Variants in GHRHR observed in about 807,000 individuals in gnomAD.
GHRHR encodes growth hormone releasing hormone receptor.
In GHRHR, 40 loss-of-function variants were observed where a neutral mutation model predicts 58.3. The observed-to-expected ratio is 0.69, with a 90% CI of 0.53 to 0.89. GHRHR has a LOEUF of 0.89. GHRHR is among the 40% of genes least tolerant of loss of function. The pLI is 0.00. For missense variants in GHRHR, 551 were observed against 541.3 expected (o/e 1.02, Z -0.18); for synonymous variants, 249 against 216.6 (o/e 1.15, Z -1.31).
chr7:30,969,810 GC>G lies in GHRHR; in HGVS notation c.269-52del, dbSNP rs1792442293. The G allele has an allele frequency of 2.6e-6, 4 of 1,565,142 alleles. No homozygotes were observed. The East Asian group carries it at 9.0e-5, about 35-fold the overall frequency. On this transcript the variant is annotated intron_variant, in intron 3 of 12. Transcript: ENST00000326139. The stretch of plus-strand genomic sequence containing the variant: ...CACTTGATGGTCCCTGGCACCCCCA[GC>G]CCCCTCCTGGGGAGAGGGAAGGAGT...
At chr7:30,974,298 G>A (rs993933328) in intron 7 of GHRHR, 131 bp from the exon 8 acceptor site, 1 of 1,113,286 alleles carries the variant, frequency 9.0e-7, no homozygotes, top group African/African-American at 1.5e-5. Context: ...CCAGGGCCCT[G>A]GCTCTGGGGT....
At position 30,969,872 on chromosome 7, in the gene GHRHR, G is replaced by A. The variant is rs767565179; in HGVS notation, c.274G>A (p.Val92Met). The A allele has an allele frequency of 2.5e-6, 4 of 1,613,512 alleles. No individual in the cohort carries two copies. The highest frequency in any genetic ancestry group is 4.5e-5 in the East Asian group (2 of 44,872). Reference protein sequence around the residue: ...FSHFSSESGAVKRDCTITGWS... With the variant: ...FSHFSSESGAMKRDCTITGWS... ...GAGTCTTGCTTGCCTCCCAGGGGCT[G>A]TGAAACGGGATTGTACTATCACTGG... is the stretch of plus-strand genomic sequence containing the variant. Residue 92 changes from valine (V) to methionine (M), a missense_variant, in exon 4 of 13, where the codon GTG (valine) becomes ATG (methionine). Transcript: ENST00000326139.
chr7:30,968,589 C>T (rs1053933378), intron 1 of GHRHR, among the ~76,000 whole-genome samples: 1 of 149,452 alleles, frequency 6.7e-6, no homozygotes, highest in African/African-American at 2.5e-5. Context: ...AGGATTAGAC[C>T]TTCTGTTCCT....
At chr7:30,974,726 C>G (rs1475103674) in intron 8 of GHRHR, among the ~76,000 whole-genome samples, 1 of 151,954 alleles carries the variant, frequency 6.6e-6, no homozygotes, top group African/African-American at 2.4e-5. Flanking sequence ...AGGGAGCTGC[C>G]AGGGGGCCAG....
chr7:30,978,968 G>A, intron 12 of GHRHR, 151 bp from the exon 13 acceptor site: 1 of 746,156 alleles, frequency 1.3e-6, no homozygotes, highest in Non-Finnish European at 2.4e-6. Flanking sequence ...TCCAGAGGTA[G>A]TACTTAGCAG....
At chr7:30,974,283 T>C (rs746053715) in intron 7 of GHRHR, 145 bp downstream of exon 7, 200 of 1,139,686 alleles carry the variant, frequency 1.8e-4, no homozygotes, top group Admixed American at 3.2e-4. Flanking sequence ...TGTTGGAGGG[T>C]GGGACCAGGG....
chr7:30,966,603 G>A (rs917382927), intron 1 of GHRHR, among the ~76,000 whole-genome samples: 1 of 151,970 alleles, frequency 6.6e-6, no homozygotes, highest in African/African-American at 2.4e-5. Context: ...CCCTGTGAGA[G>A]GGACATTCCC....
intron 9 of GHRHR, 79 bp from the exon 10 acceptor site, chr7:30,975,698 A>G: frequency 6.2e-6 from 5 of 808,620 alleles, no homozygotes; most frequent in South Asian, 5.4e-5. Context: ...CTAGTCCCCA[A>G]ATGGGCTGGG....
chr7:30,975,886 C>G lies in GHRHR; in HGVS notation c.974+18C>G, dbSNP rs1562595228. ...CAGTATTGGTACTGTGTGTTTGTGTCTGGGGATACTGGGAAAGGGTAACTG... is the reference window on the plus strand; with the variant it reads ...CAGTATTGGTACTGTGTGTTTGTGTGTGGGGATACTGGGAAAGGGTAACTG... On this transcript the variant is annotated intron_variant, in intron 10 of 12. Coordinates refer to ENST00000326139, the MANE Select transcript of GHRHR (RefSeq NM_000823.4). 7.3e-7 allele frequency: 1 copy of G among 1,364,468 alleles called. No homozygotes were observed. The allele number at this position is 1,364,468 out of a possible 1,614,324, so 84.5% of individuals were successfully genotyped here.
chr7:30,977,525 T>C (rs1051794357), intron 12 of GHRHR, among the ~76,000 whole-genome samples: 2 of 152,158 alleles, frequency 1.3e-5, no homozygotes, highest in African/African-American at 4.8e-5. Context: ...CCATCCTTCC[T>C]CTGAGCTGGG....
intron 3 of GHRHR, 55 bp from the exon 4 acceptor site, chr7:30,969,812 C>G: frequency 6.3e-7 from 1 of 1,581,394 alleles, no homozygotes; most frequent in Non-Finnish European, 8.7e-7. Context: ...CACCCCCAGC[C>G]CCCTCCTGGG....
chr7:30,969,122 G>C lies in GHRHR; in HGVS notation c.220G>C (p.Val74Leu). The C allele has an allele frequency of 1.3e-6, 2 of 1,578,650 alleles. No individual in the cohort carries two copies. ...GCCAACGGCAGGCTCTGGCGAGTGG[G>C]TCACCCTCCCCTGCCCGGATTTCTT... ...CWPTAGSGEWVTLPCPDFFSH... is the reference protein window; with the variant it reads ...CWPTAGSGEWLTLPCPDFFSH... The change falls in exon 3 of 13, where the codon GTC becomes CTC. Residue 74 changes from valine (V) to leucine (L), a missense_variant. Val to Leu is a conservative substitution (Grantham distance 32). Coordinates refer to ENST00000326139, the MANE Select transcript of GHRHR (RefSeq NM_000823.4).
intron 12 of GHRHR, 116 bp downstream of exon 12, chr7:30,977,438 T>C: frequency 1.2e-6 from 1 of 839,820 alleles, no homozygotes; most frequent in Non-Finnish European, 2.1e-6. Context: ...ACCTTCACTC[T>C]TGTGAGCTTT....
Position 30,971,230 on chromosome 7 carries a change from A to G in GHRHR, c.464+14A>G. 1 of 1,173,774 alleles carries G rather than the reference A, an allele frequency of 8.5e-7. No individual in the cohort carries two copies. Among genetic ancestry groups the G allele is most frequent in the Non-Finnish European group, 1.2e-6 (1 of 801,066 alleles). The allele number at this position is 1,173,774 out of a possible 1,614,324, so 72.7% of individuals were successfully genotyped here. A position where few individuals can be genotyped will look rare whatever the true frequency, so the allele number is the denominator to read the frequency against. Reference sequence around the variant, plus strand: ...GGTTGCTCTCAGGTTTGTCATCCTCATCACCAGCTCAAGAACCTTCCTTGG... The same window carrying G: ...GGTTGCTCTCAGGTTTGTCATCCTCGTCACCAGCTCAAGAACCTTCCTTGG... On this transcript the variant is annotated intron_variant, in intron 5 of 12. Coordinates refer to ENST00000326139, the MANE Select transcript of GHRHR (RefSeq NM_000823.4).
chr7:30,975,868 G>T lies in GHRHR; in HGVS notation c.974G>T (p.Trp325Leu). 6.5e-7 allele frequency: 1 copy of T among 1,550,044 alleles called. No individual in the cohort carries two copies. The highest frequency in any genetic ancestry group is 8.9e-7 in the Non-Finnish European group (1 of 1,121,516). The change falls in exon 10 of 13, where the codon TGG (tryptophan) becomes TTG (leucine). Residue 325 changes from tryptophan to leucine, a missense_variant and splice_region_variant. Coordinates refer to ENST00000326139, the MANE Select transcript of GHRHR (RefSeq NM_000823.4). ...QGSLHTQSQY[W>L]RLSKSTLFLI... The stretch of plus-strand genomic sequence containing the variant: ...AGCCTCCATACCCAGTCTCAGTATT[G>T]GTACTGTGTGTTTGTGTCTGGGGAT...
chr7:30,973,927 C>A, intron 6 of GHRHR, 58 bp from the exon 7 acceptor site: 1 of 1,557,486 alleles, frequency 6.4e-7, no homozygotes, highest in Non-Finnish European at 8.8e-7. Flanking sequence ...GTAGAGGAGA[C>A]TGGGATGGGG....
rs1226967490 is a variant in GHRHR at position 30,974,106 on chromosome 7, G to C, written c.719G>C (p.Arg240Thr). Residue 240 changes from arginine to threonine, a missense_variant, in exon 7 of 13, where the codon AGA (arginine) becomes ACA (threonine). By Grantham distance (71) the Arg-to-Thr change is moderately conservative. Coordinates refer to ENST00000326139, the MANE Select transcript of GHRHR (RefSeq NM_000823.4). ...GCCTCCACCTCCCCCAGCTCAAGGA[G>C]AGCCTTCTGGTGGCTGGTTCTCGCT... ...LLASTSPSSR[R>T]AFWWLVLAGW... 1 of 1,614,070 alleles carries C rather than the reference G, an allele frequency of 6.2e-7. No homozygotes were observed. Among genetic ancestry groups the C allele is most frequent in the Non-Finnish European group, 8.5e-7 (1 of 1,180,040 alleles).
chr7:30,969,116 G>A lies in GHRHR; in HGVS notation c.214G>A (p.Glu72Lys), dbSNP rs121918117. ...GTGCTGGCCAACGGCAGGCTCTGGC[G>A]AGTGGGTCACCCTCCCCTGCCCGGA... The part of the protein sequence containing the change: ...LLCWPTAGSG[E>K]WVTLPCPDFF... Residue 72 changes from glutamate to lysine, a missense_variant, in exon 3 of 13, where the codon GAG becomes AAG. By Grantham distance (56) the Glu-to-Lys change is moderately conservative (BLOSUM62 1). Transcript: ENST00000326139. 9 of 1,579,320 alleles carry A rather than the reference G, an allele frequency of 5.7e-6. No individual in the cohort carries two copies. Among genetic ancestry groups the A allele is most frequent in the Middle Eastern group, 1.7e-4 (1 of 6,030 alleles).
chr7:30,974,604 G>T (rs936891797), intron 8 of GHRHR, 115 bp downstream of exon 8: 10 of 804,886 alleles, frequency 1.2e-5, no homozygotes, highest in Non-Finnish European at 2.2e-5. Context: ...GGACTGCCCG[G>T]CTAGGATGGG....
Sources: allele counts gnomAD v4.1 joint callset (sites outside exome capture counted in the v4.1 genomes callset), GRCh38; gene constraint gnomAD v4.1.1; transcripts MANE v1.5; gene names NCBI Gene and HGNC (gene_info 2026-07-23, HGNC 2026-07-21).